TRERF1: variants seen among roughly 807,000 people sequenced by gnomAD.
The protein encoded by TRERF1 is transcriptional-regulating factor 1.
TRERF1 carries 27 observed loss-of-function variants against 122.9 expected under a neutral mutation model. The observed-to-expected ratio is 0.22, with a 90% CI of 0.16 to 0.30. The LOEUF is 0.30. Among genes scored for constraint, TRERF1 ranks in the 10% least tolerant of loss-of-function variants. The probability of loss-of-function intolerance (pLI) is 1.00; values close to 1 mark genes in which losing one functional copy is unlikely to be tolerated. For missense variants in TRERF1, 1,248 were observed against 1,560.3 expected, an observed-to-expected ratio of 0.80 and a Z score of 3.37; for synonymous variants, 636 against 641.7, an observed-to-expected ratio of 0.99 and a Z score of 0.13.
chr6:42,263,129 G>A lies in TRERF1; in HGVS notation c.1884+191C>T. On this transcript the variant is annotated intron_variant, in intron 8 of 17. Coordinates refer to ENST00000372922, the Ensembl canonical transcript of TRERF1. The surrounding 1 kb of genome is among the most constrained non-coding windows in gnomAD (Gnocchi z 5.6). ...TGAACAAGGGTAGGGTTCCCAATGT[G>A]GCCACGGGTTCAGCCCTGAGAGACC... 1 of 1,317,506 alleles carries A rather than the reference G, an allele frequency of 7.6e-7. No individual in the cohort carries two copies. Among genetic ancestry groups the A allele is most frequent in the South Asian group, 2.4e-5 (1 of 42,504 alleles). The allele number at this position is 1,317,506 out of a possible 1,614,324, so 81.6% of individuals were successfully genotyped here.
At chr6:42,340,899 T>C (rs745807676) in intron 3 of TRERF1, among the ~76,000 whole-genome samples, 3 of 152,218 alleles carry the variant, frequency 2.0e-5, no homozygotes, top group Non-Finnish European at 2.9e-5. Flanking sequence ...CCTAGCTGAT[T>C]GGATTTTAAG....
chr6:42,234,737 C>T (rs1361320597), intron 16 of TRERF1, among the ~76,000 whole-genome samples: 1 of 152,202 alleles, frequency 6.6e-6, no homozygotes, highest in African/African-American at 2.4e-5. Context: ...AACCAGCACG[C>T]TTTTTCCACT....
intron 16 of TRERF1, among the ~76,000 whole-genome samples, chr6:42,234,542 C>T (rs1022154790): frequency 3.3e-5 from 5 of 152,188 alleles, no homozygotes; most frequent in African/African-American, 1.2e-4. Flanking sequence ...GGGGTTTCAC[C>T]ATGTTGGCCA....
chr6:42,294,176 T>C (rs1408250103), intron 4 of TRERF1, among the ~76,000 whole-genome samples: 2 of 130,154 alleles, frequency 1.5e-5, no homozygotes, highest in African/African-American at 3.0e-5. Flanking sequence ...CTAGCTATAA[T>C]GTAATTTTTT....
chr6:42,335,792 A>G (rs538244866), intron 3 of TRERF1, among the ~76,000 whole-genome samples: 320 of 152,314 alleles, frequency 2.1e-3, no homozygotes, highest in Non-Finnish European at 3.7e-3. Flanking sequence ...AACAAAGTCT[A>G]GCTTCCATTG....
intron 13 of TRERF1, among the ~76,000 whole-genome samples, chr6:42,252,632 T>C (rs1466956883): frequency 6.6e-6 from 1 of 152,106 alleles, no homozygotes; most frequent in East Asian, 1.9e-4. Context: ...GCCATGGAGA[T>C]GGGATTCACT....
chr6:42,249,535 C>A (rs1024125264), intron 13 of TRERF1, among the ~76,000 whole-genome samples: 1 of 152,194 alleles, frequency 6.6e-6, no homozygotes, highest in Non-Finnish European at 1.5e-5. Flanking sequence ...GGGAAGGAGA[C>A]CTTCTCCCTG....
Position 42,269,049 on chromosome 6 carries a change from A to T in TRERF1, c.542T>A (p.Leu181His). The change falls in exon 5 of 18, where the codon CTC (leucine) becomes CAC (histidine). Residue 181 changes from leucine (L) to histidine (H), a missense_variant. Around this residue, in one of 5 missense-constraint regions of TRERF1, gnomAD observed 946 missense variants for 1,073.0 expected, o/e 0.88. Transcript: ENST00000372922. This position sits in a 1 kb window ranked among gnomAD's most constrained non-coding sequence, Gnocchi z 4.9. ...GGGCTTCTGAGACAGCAGCTGGCGG[A>T]GAGCACTGTCAGGGGCTCCATCCAT... is the stretch of plus-strand genomic sequence containing the variant. The T allele has an allele frequency of 1.9e-6, 3 of 1,614,154 alleles. No individual in the cohort carries two copies. The highest frequency in any genetic ancestry group is 2.5e-6 in the Non-Finnish European group (3 of 1,180,016).
chr6:42,312,126 A>G (rs1479910863), intron 3 of TRERF1, among the ~76,000 whole-genome samples: 2 of 152,182 alleles, frequency 1.3e-5, no homozygotes, highest in Non-Finnish European at 2.9e-5. Flanking sequence ...GTGGTTGGAT[A>G]GAAGACAGCA....
chr6:42,429,361 C>T (rs1014023785), intron 2 of TRERF1, among the ~76,000 whole-genome samples: 5 of 152,118 alleles, frequency 3.3e-5, no homozygotes, highest in Non-Finnish European at 5.9e-5. Context: ...CCCTACTCAC[C>T]TCAACCCAGT....
Position 42,377,012 on chromosome 6 carries a change from T to A in TRERF1, c.-453-13933A>T, listed in dbSNP as rs1271223003. On this transcript the variant is annotated intron_variant, in intron 2 of 17. Transcript: ENST00000372922. ...TCCCAAGTAGCTGGAATTACAGGTG[T>A]GAGCCACCATGACCGGCTAATTTTT... 6.6e-5 allele frequency among the ~76,000 whole-genome samples: 10 copies of A among 151,714 alleles called. No homozygotes were observed. In the East Asian group the frequency reaches 1.9e-3, roughly 30 times the overall value.
chr6:42,258,740 A>T (rs77060098), intron 9 of TRERF1, among the ~76,000 whole-genome samples: 1 of 145,372 alleles, frequency 6.9e-6, no homozygotes, highest in African/African-American at 2.5e-5. Flanking sequence ...ACATCCCGTT[A>T]TTTTTTTTTT....
chr6:42,395,122 C>T (rs1778372879), intron 2 of TRERF1, among the ~76,000 whole-genome samples: 1 of 152,218 alleles, frequency 6.6e-6, no homozygotes, highest in Admixed American at 6.5e-5. Context: ...GAGCCCTTTG[C>T]AAAGAGTTGG....
chr6:42,382,545 G>A (rs2151159036), intron 2 of TRERF1, among the ~76,000 whole-genome samples: 1 of 151,972 alleles, frequency 6.6e-6, no homozygotes, highest in East Asian at 1.9e-4. Flanking sequence ...CAGTGTGCTG[G>A]TTGCACTTTC....
At chr6:42,322,550 C>A (rs1038293296) in intron 3 of TRERF1, among the ~76,000 whole-genome samples, 7 of 152,040 alleles carry the variant, frequency 4.6e-5, no homozygotes, top group African/African-American at 1.7e-4. Context: ...GATAACTAAG[C>A]CTGCTAAGCT....
chr6:42,372,351 T>C (rs902329025), intron 2 of TRERF1, among the ~76,000 whole-genome samples: 1 of 152,160 alleles, frequency 6.6e-6, no homozygotes, highest in Non-Finnish European at 1.5e-5. Context: ...AGCTCCTACA[T>C]GAGGCTTCTG....
intron 8 of TRERF1, among the ~76,000 whole-genome samples, chr6:42,261,864 A>G (rs896597363): frequency 6.6e-6 from 1 of 151,472 alleles, no homozygotes; most frequent in Non-Finnish European, 1.5e-5. Flanking sequence ...TCCTGAGCAA[A>G]CTCCCTTGCC....
intron 4 of TRERF1, among the ~76,000 whole-genome samples, chr6:42,288,694 G>A (rs1056591402): frequency 3.3e-5 from 5 of 152,064 alleles, no homozygotes; most frequent in African/African-American, 1.2e-4. Flanking sequence ...GAAGGACATA[G>A]GGAGGGGAAA....
chr6:42,243,181 A>T, intron 15 of TRERF1, 67 bp downstream of exon 15: 1 of 1,343,330 alleles, frequency 7.4e-7, no homozygotes. Context: ...AACACCAGCT[A>T]CTTACTAACC....
Sources: gnomAD v4.1 joint callset for allele counts (sites outside exome capture counted in the v4.1 genomes callset) on GRCh38, gnomAD v4.1.1 for gene constraint, gnomAD v4.1.1 regional missense constraint, Gnocchi (gnomAD v3.1) non-coding constraint, MANE v1.5 for transcripts, NCBI Gene and HGNC (gene_info 2026-07-23, HGNC 2026-07-21) for gene names.